The following ZNF516 variants were observed in gnomAD, a reference collection of about 807,000 sequenced individuals.
ZNF516 encodes the protein zinc finger protein 516.
ZNF516 carries 19 observed loss-of-function variants against 79.7 expected under a neutral mutation model. The observed-to-expected ratio is 0.24, with a 90% CI of 0.17 to 0.35. The LOEUF is 0.35. Ranked by LOEUF, ZNF516 falls within the 10% of genes least tolerant of loss-of-function variation. ZNF516 has a pLI of 1.00. For missense variants in ZNF516, 1,678 were observed against 1,679.5 expected (o/e 1.00, Z 0.02); for synonymous variants, 877 against 739.5 (o/e 1.19, Z -3.02).
At position 76,378,899 on chromosome 18, in the gene ZNF516, A is replaced by G; in HGVS notation, c.3215T>C (p.Leu1072Pro). 6.2e-7 allele frequency: 1 copy of G among 1,613,710 alleles called. No individual in the cohort carries two copies. Among genetic ancestry groups the G allele is most frequent in the Non-Finnish European group, 8.5e-7 (1 of 1,179,772 alleles). ...KTYIPKDFAT[L>P]YQGWGVSGPG... The stretch of plus-strand genomic sequence containing the variant: ...GCCGCTGACACCCCATCCCTGGTAG[A>G]GGGTCGCAAAGTCCTTTGGAATGTA... The change falls in exon 4 of 7, where the codon CTC (leucine) becomes CCC (proline). Residue 1072 changes from leucine to proline, a missense_variant. This residue lies in a region of ZNF516 where 1,294 missense variants were observed against 1,248.3 expected (regional missense o/e 1.04). Transcript: ENST00000443185.
intron 3 of ZNF516, among the ~76,000 whole-genome samples, chr18:76,413,319 T>TTACA (rs1490253300): frequency 1.3e-5 from 2 of 152,168 alleles, no homozygotes; most frequent in African/African-American, 4.8e-5. Flanking sequence ...TATATATAAA[T>TTACA]TACACATATC....
chr18:76,432,063 T>C (rs1284845089), intron 3 of ZNF516, among the ~76,000 whole-genome samples: 1 of 152,208 alleles, frequency 6.6e-6, no homozygotes, highest in African/African-American at 2.4e-5. Flanking sequence ...GCTTTGGAGA[T>C]AGTCTCTGCA....
chr18:76,446,113 A>C (rs1016552529), intron 2 of ZNF516, among the ~76,000 whole-genome samples: 3 of 151,844 alleles, frequency 2.0e-5, no homozygotes, highest in Non-Finnish European at 2.9e-5. Context: ...ATGCCTTTCT[A>C]GGCGTGTCCT....
chr18:76,416,742 T>C (rs2075437243), intron 3 of ZNF516, among the ~76,000 whole-genome samples: 1 of 152,220 alleles, frequency 6.6e-6, no homozygotes, highest in South Asian at 2.1e-4. Context: ...ACTTCAGTAA[T>C]GGCGAAAAGC....
intron 3 of ZNF516, among the ~76,000 whole-genome samples, chr18:76,396,585 C>T (rs984946914): frequency 6.6e-6 from 1 of 152,138 alleles, no homozygotes; most frequent in Non-Finnish European, 1.5e-5. Flanking sequence ...TCACTTTTAA[C>T]CTGTCCTGAA....
At chr18:76,374,520 G>T (rs938012276) in intron 4 of ZNF516, among the ~76,000 whole-genome samples, 4 of 152,250 alleles carry the variant, frequency 2.6e-5, no homozygotes, top group Admixed American at 2.0e-4. Context: ...GAACACATGT[G>T]GGGGCGGGGA....
At chr18:76,409,931 T>A (rs1031580832) in intron 3 of ZNF516, among the ~76,000 whole-genome samples, 1 of 152,160 alleles carries the variant, frequency 6.6e-6, no homozygotes, top group South Asian at 2.1e-4. Context: ...GGGGGCAGTT[T>A]CCCCCACACT....
chr18:76,427,379 T>C (rs2075609596), intron 3 of ZNF516, among the ~76,000 whole-genome samples: 1 of 152,174 alleles, frequency 6.6e-6, no homozygotes, highest in African/African-American at 2.4e-5. Flanking sequence ...CTACTTCAAA[T>C]CAGTGGAGAA....
intron 3 of ZNF516, among the ~76,000 whole-genome samples, chr18:76,402,919 A>C (rs904125575): frequency 7.9e-5 from 12 of 152,216 alleles, no homozygotes; most frequent in African/African-American, 2.9e-4. Context: ...CAAGTGATCC[A>C]CTGGTTGTGC....
At chr18:76,452,560 T>C (rs935751887) in intron 2 of ZNF516, among the ~76,000 whole-genome samples, 2 of 152,228 alleles carry the variant, frequency 1.3e-5, no homozygotes, top group Non-Finnish European at 2.9e-5. Flanking sequence ...AATGTTATTC[T>C]TCCGCAAGTA....
chr18:76,441,534 G>T lies in ZNF516; in HGVS notation c.1521C>A (p.Ala507=), dbSNP rs1047844602. ...CGGAGGACTTGCCCTGGCCGGTGGT[G>T]GCTGCGGCCCTGCGGTTGGGGCGCG... is the stretch of plus-strand genomic sequence containing the variant. ...SAARPNRRAA[A]TTGQGKSSEC... The change falls in exon 3 of 7, where the codon GCC becomes GCA. Residue 507 remains alanine, a synonymous_variant. Coordinates refer to ENST00000443185, the MANE Select transcript of ZNF516 (RefSeq NM_014643.4). 7.0e-6 allele frequency: 11 copies of T among 1,572,084 alleles called. No homozygotes were observed. The highest frequency in any genetic ancestry group is 8.6e-6 in the Non-Finnish European group (10 of 1,161,568).
intron 3 of ZNF516, among the ~76,000 whole-genome samples, chr18:76,382,821 G>T (rs544252147): frequency 6.6e-6 from 1 of 151,890 alleles, no homozygotes; most frequent in Non-Finnish European, 1.5e-5. Context: ...CCAGGAGAGC[G>T]GATCATTTGG....
chr18:76,401,640 C>G (rs9950025), intron 3 of ZNF516, among the ~76,000 whole-genome samples: 106,376 of 151,730 alleles, frequency 0.7, 37,972 homozygotes, highest in African/African-American at 0.85. Context: ...CTGGACAGAC[C>G]GACGGCACTC....
intron 3 of ZNF516, chr18:76,386,405 G>C (rs1443550490): frequency 6.6e-6 from 1 of 152,266 alleles, no homozygotes; most frequent in African/African-American, 2.4e-5. Context: ...ACATTCGTCA[G>C]TGACATCTCT....
intron 1 of ZNF516, among the ~76,000 whole-genome samples, chr18:76,482,603 G>A (rs1004865168): frequency 2.0e-5 from 3 of 152,230 alleles, no homozygotes; most frequent in Non-Finnish European, 4.4e-5. Context: ...GTAGACTGAA[G>A]GGTATTAAAC....
At chr18:76,401,870 C>CACCACCA in intron 3 of ZNF516, among the ~76,000 whole-genome samples, 1 of 151,818 alleles carries the variant, frequency 6.6e-6, no homozygotes, top group Non-Finnish European at 1.5e-5. Context: ...CGCACCCCTC[C>CACCACCA]ACTACTGTTT....
chr18:76,404,733 T>C (rs911244186), intron 3 of ZNF516, among the ~76,000 whole-genome samples: 2 of 1,750 alleles, frequency 1.1e-3, no homozygotes, highest in African/African-American at 1.3e-3. Context: ...GTGATCAGCA[T>C]GTGCGTTGTG....
At chr18:76,406,622 A>G (rs572270391) in intron 3 of ZNF516, among the ~76,000 whole-genome samples, 1 of 152,274 alleles carries the variant, frequency 6.6e-6, no homozygotes, top group African/African-American at 2.4e-5. Flanking sequence ...GCCGCGCTCC[A>G]CATCTCCCCT....
chr18:76,486,685 G>GAA (rs1892404826), intron 1 of ZNF516, among the ~76,000 whole-genome samples: 1 of 69,364 alleles, frequency 1.4e-5, no homozygotes, highest in African/African-American at 4.1e-5. Context: ...TGGTTTTGAA[G>GAA]GAAAAAAAAA....
Sources: allele counts gnomAD v4.1 joint callset (sites outside exome capture counted in the v4.1 genomes callset), GRCh38; gene constraint gnomAD v4.1.1; regional missense constraint gnomAD v4.1.1; transcripts MANE v1.5; gene names NCBI Gene and HGNC (gene_info 2026-07-23, HGNC 2026-07-21).